Variants in ABCA1 observed in about 807,000 individuals in gnomAD.
ABCA1 encodes ATP binding cassette subfamily A member 1, also known as phospholipid-transporting ATPase ABCA1.
ABCA1 carries 133 observed loss-of-function variants against 262.5 expected under a neutral mutation model. That is an observed-to-expected ratio of 0.51 (90% CI 0.44 to 0.59). The LOEUF (loss-of-function observed/expected upper bound fraction) is 0.59. Ranked by LOEUF, ABCA1 falls within the 20% of genes least tolerant of loss-of-function variation. The pLI, the probability that ABCA1 is intolerant of heterozygous loss-of-function variation, is 0.00. For synonymous variants in ABCA1, 1,022 were observed against 1,043.5 expected (o/e 0.98, Z 0.40); for missense variants, 2,452 against 2,777.5 (o/e 0.88, Z 2.63).
chr9:104,876,341 G>T (rs767175001), intron 5 of ABCA1, among the ~76,000 whole-genome samples: 1 of 152,192 alleles, frequency 6.6e-6, no homozygotes, highest in African/African-American at 2.4e-5. Context: ...ATGTGAGGAC[G>T]CCCTATCCCG....
chr9:104,912,313 C>T (rs1046255057), intron 1 of ABCA1, among the ~76,000 whole-genome samples: 3 of 152,162 alleles, frequency 2.0e-5, no homozygotes, highest in Non-Finnish European at 4.4e-5. Context: ...GCAGCAGGAT[C>T]GCTTGAGCCC....
At chr9:104,822,749 A>G (rs151015112) in intron 18 of ABCA1, 82 bp from the exon 19 acceptor site, 63 of 1,537,576 alleles carry the variant, frequency 4.1e-5, no homozygotes, top group Non-Finnish European at 5.1e-5. Context: ...CTGCGCTTGA[A>G]CTTTCAGAAG....
At chr9:104,922,505 C>A (rs1842193628) in intron 1 of ABCA1, among the ~76,000 whole-genome samples, 1 of 152,180 alleles carries the variant, frequency 6.6e-6, no homozygotes, top group Non-Finnish European at 1.5e-5. Context: ...ACCTCAGTTT[C>A]CCATCTATAA....
chr9:104,873,245 G>C (rs1156325225), intron 5 of ABCA1, among the ~76,000 whole-genome samples: 1 of 152,236 alleles, frequency 6.6e-6, no homozygotes, highest in African/African-American at 2.4e-5. Flanking sequence ...GTTGACACAT[G>C]TATCACCAGA....
At chr9:104,850,556 T>C (rs1048174178) in intron 7 of ABCA1, among the ~76,000 whole-genome samples, 2 of 152,254 alleles carry the variant, frequency 1.3e-5, no homozygotes, top group African/African-American at 2.4e-5. Flanking sequence ...AGAATCTATG[T>C]TGGCCTGAGC....
At chr9:104,891,422 G>A (rs1358201961) in intron 2 of ABCA1, among the ~76,000 whole-genome samples, 5 of 151,360 alleles carry the variant, frequency 3.3e-5, no homozygotes, top group Admixed American at 2.6e-4. Flanking sequence ...TTAGTGAAAC[G>A]CTGTGTCTAC....
chr9:104,874,087 T>A (rs964417497), intron 5 of ABCA1, among the ~76,000 whole-genome samples: 8 of 152,192 alleles, frequency 5.3e-5, no homozygotes, highest in African/African-American at 1.9e-4. Context: ...CTTTTTGATT[T>A]TCAAAAATCA....
intron 7 of ABCA1, among the ~76,000 whole-genome samples, chr9:104,847,743 G>A (rs1271596869): frequency 6.6e-6 from 1 of 152,128 alleles, no homozygotes; most frequent in African/African-American, 2.4e-5. Flanking sequence ...CCTGATTCCT[G>A]AAGGCTTGGG....
At chr9:104,858,448 T>G in intron 7 of ABCA1, 74 bp downstream of exon 7, 3 of 1,475,466 alleles carry the variant, frequency 2.0e-6, no homozygotes, top group Non-Finnish European at 2.8e-6. Context: ...AACAAAGTCA[T>G]GCTGTCCAAG....
chr9:104,804,842 ACACTGCCCTCAGTCAACCAG>A, intron 31 of ABCA1, 122 bp from the exon 32 acceptor site: 1 of 835,214 alleles, frequency 1.2e-6, no homozygotes, highest in Non-Finnish European at 2.1e-6. Context: ...CAGGTCCCAG[ACACTGCCCTCAGTCAACCAG>A]CACTGAGACT....
At chr9:104,899,215 ATTGGAATCATGACCACTGCTGCCG>A (rs1236028585) in intron 2 of ABCA1, among the ~76,000 whole-genome samples, 8 of 152,302 alleles carry the variant, frequency 5.3e-5, no homozygotes, top group African/African-American at 1.7e-4. Flanking sequence ...CCAAGCTGGG[ATTGGAATCATGACCACTGCTGCCG>A]GCCCAGGAGT....
chr9:104,863,772 C>A (rs1421978598), intron 5 of ABCA1, among the ~76,000 whole-genome samples: 1 of 152,240 alleles, frequency 6.6e-6, no homozygotes, highest in Admixed American at 6.5e-5. Context: ...CAGTTAGTGT[C>A]CCTCAGAATC....
intron 44 of ABCA1, 120 bp from the exon 45 acceptor site, chr9:104,788,687 T>A: frequency 7.8e-7 from 1 of 1,286,278 alleles, no homozygotes; most frequent in Admixed American, 1.7e-5. Context: ...ATACATCTGC[T>A]GCTACTTGAA....
At chr9:104,888,412 T>C (rs1001140473) in intron 3 of ABCA1, among the ~76,000 whole-genome samples, 6 of 152,222 alleles carry the variant, frequency 3.9e-5, no homozygotes, top group Non-Finnish European at 5.9e-5. Context: ...AGAGAAAGAC[T>C]GTGATTGTAA....
intron 24 of ABCA1, among the ~76,000 whole-genome samples, chr9:104,816,663 G>A (rs983611826): frequency 1.3e-5 from 2 of 151,618 alleles, no homozygotes; most frequent in African/African-American, 4.8e-5. Flanking sequence ...GGGTGGATGG[G>A]TGAATGGATA....
At chr9:104,835,347 G>A (rs547587473) in intron 11 of ABCA1, among the ~76,000 whole-genome samples, 15 of 151,874 alleles carry the variant, frequency 9.9e-5, no homozygotes, top group Non-Finnish European at 1.8e-4. Flanking sequence ...CTCATCATCT[G>A]TCTCCAGCCC....
At chr9:104,856,210 C>T (rs1158066310) in intron 7 of ABCA1, 2 of 1,408,796 alleles carry the variant, frequency 1.4e-6, no homozygotes, top group African/African-American at 2.9e-5. Context: ...GTAAGAGTCA[C>T]ATTTCAAAAT....
intron 25 of ABCA1, among the ~76,000 whole-genome samples, chr9:104,814,853 G>A (rs1259905923): frequency 6.6e-6 from 1 of 152,136 alleles, no homozygotes; most frequent in Non-Finnish European, 1.5e-5. Context: ...AAATTAGCTG[G>A]GCGTGGTAGC....
intron 2 of ABCA1, among the ~76,000 whole-genome samples, chr9:104,902,021 A>G (rs970512006): frequency 1.3e-5 from 2 of 152,198 alleles, no homozygotes; most frequent in Non-Finnish European, 2.9e-5. Context: ...CACAGATTCC[A>G]GTCCCTGTTC....
Sources: allele counts gnomAD v4.1 joint callset (sites outside exome capture counted in the v4.1 genomes callset), GRCh38; gene constraint gnomAD v4.1.1; transcripts MANE v1.5; gene names NCBI Gene and HGNC (gene_info 2026-07-23, HGNC 2026-07-21).